The following PITPNM2 variants were observed in gnomAD, a reference collection of about 807,000 sequenced individuals.
PITPNM2 encodes phosphatidylinositol transfer protein membrane associated 2, also known as membrane-associated phosphatidylinositol transfer protein 2.
A neutral mutation model predicts 132.2 loss-of-function variants in PITPNM2; 35 were observed. The observed-to-expected ratio is 0.26, with a 90% CI of 0.20 to 0.35. The LOEUF (loss-of-function observed/expected upper bound fraction) is 0.35, where lower values mean the gene tolerates loss of function less well. PITPNM2 is among the 10% of genes least tolerant of loss of function. The probability of loss-of-function intolerance (pLI) is 1.00; values close to 1 mark genes in which losing one functional copy is unlikely to be tolerated. For missense variants in PITPNM2, 1,332 were observed against 1,912.0 expected (o/e 0.70, Z 5.66); for synonymous variants, 738 against 799.2 (o/e 0.92, Z 1.29).
At chr12:123,057,116 C>T (rs1437426542) in intron 2 of PITPNM2, among the ~76,000 whole-genome samples, 1 of 152,100 alleles carries the variant, frequency 6.6e-6, no homozygotes, top group South Asian at 2.1e-4. Flanking sequence ...CGTGGTGGTT[C>T]ACGCCTGCAA....
In PITPNM2 at chr12:123,004,292, G is replaced by A. The variant is rs2038822913; in HGVS notation, c.1048+102C>T. On this transcript the variant is annotated intron_variant, in intron 8 of 25. Coordinates refer to ENST00000320201, the MANE Select transcript of PITPNM2 (RefSeq NM_020845.3). This position sits in a 1 kb window ranked among gnomAD's most constrained non-coding sequence, Gnocchi z 4.9. ...AGGGACTGGATATAGAATAGTAACA[G>A]GCAACACCCGCATCAGTCCACACCC... 1 of 1,080,744 alleles carries A rather than the reference G, an allele frequency of 9.3e-7. No individual in the cohort carries two copies. Among genetic ancestry groups the A allele is most frequent in the Non-Finnish European group, 1.4e-6 (1 of 719,992 alleles). The allele number at this position is 1,080,744 out of a possible 1,614,324, so 66.9% of individuals were successfully genotyped here.
At chr12:123,093,867 A>G (rs926147329) in intron 2 of PITPNM2, among the ~76,000 whole-genome samples, 4 of 152,270 alleles carry the variant, frequency 2.6e-5, no homozygotes, top group Admixed American at 6.5e-5. Context: ...ACACAGAGCC[A>G]GGAGGCCTGG....
chr12:123,100,170 C>T (rs1273692364), intron 2 of PITPNM2, among the ~76,000 whole-genome samples: 1 of 152,234 alleles, frequency 6.6e-6, no homozygotes, highest in East Asian at 1.9e-4. Context: ...CCACACTATA[C>T]AATTCTCCAT....
chr12:123,017,860 G>A (rs1250249514), intron 3 of PITPNM2, among the ~76,000 whole-genome samples: 1 of 152,186 alleles, frequency 6.6e-6, no homozygotes, highest in Non-Finnish European at 1.5e-5. Context: ...CTGCTGCTGG[G>A]GAACATGGGG....
chr12:122,993,999 C>T lies in PITPNM2; in HGVS notation c.2233+802G>A, dbSNP rs142317456. The stretch of plus-strand genomic sequence containing the variant: ...AGGCGATTCTCCTGCCTCAGGCTCC[C>T]GAGTAGCTGGGATTACAGGCATGTG... On this transcript the variant is annotated intron_variant, in intron 15 of 25. Coordinates refer to ENST00000320201, the MANE Select transcript of PITPNM2 (RefSeq NM_020845.3). This position sits in a 1 kb window ranked among gnomAD's most constrained non-coding sequence, Gnocchi z 5.2. Among the ~76,000 whole-genome samples, 896 of 152,250 alleles carry T rather than the reference C, an allele frequency of 5.9e-3. 11 individuals are homozygous for T. Among genetic ancestry groups the T allele is most frequent in the African/African-American group, 0.021 (861 of 41,538 alleles).
At chr12:122,995,763 GC>G (rs1261559285) in intron 13 of PITPNM2, 103 bp from the exon 14 acceptor site, 2 of 1,417,870 alleles carry the variant, frequency 1.4e-6, no homozygotes, top group Non-Finnish European at 1.9e-6. Context: ...AGGCCAAGCG[GC>G]CACTGTCCAG....
chr12:123,115,965 T>C (rs546018312), intron 1 of PITPNM2, among the ~76,000 whole-genome samples: 12 of 152,336 alleles, frequency 7.9e-5, no homozygotes, highest in Admixed American at 5.9e-4. Context: ...TCCAGAGGCA[T>C]CCAGGAGCAC....
chr12:123,033,227 T>A (rs1032875231), intron 3 of PITPNM2, among the ~76,000 whole-genome samples: 1 of 152,242 alleles, frequency 6.6e-6, no homozygotes, highest in Admixed American at 6.5e-5. Flanking sequence ...AGAGCCAGGC[T>A]GACAGCAGGT....
intron 2 of PITPNM2, among the ~76,000 whole-genome samples, chr12:123,042,072 G>A (rs1176192222): frequency 6.6e-6 from 1 of 152,132 alleles, no homozygotes. Context: ...GATGCATCCA[G>A]ACCAGGGTTC....
chr12:122,990,563 C>T lies in PITPNM2; in HGVS notation c.2551G>A (p.Ala851Thr), dbSNP rs1350214788. Residue 851 changes from alanine (A) to threonine (T), a missense_variant, in exon 17 of 26, where the codon GCA (alanine) becomes ACA (threonine). This residue lies in a region of PITPNM2 where 710 missense variants were observed against 911.5 expected (regional missense o/e 0.78). Transcript: ENST00000320201. The stretch of plus-strand genomic sequence containing the variant: ...TACTCACTCTGGGCGATGCTGGATG[C>T]CGTGTAGCTCTCAGCCATGCCTGAC... ...QVSGMAESYT[A>T]SSIAQKAPDA... 3.1e-6 allele frequency: 5 copies of T among 1,612,860 alleles called. No individual in the cohort carries two copies. The highest frequency in any genetic ancestry group is 4.2e-6 in the Non-Finnish European group (5 of 1,179,936).
chr12:123,098,325 C>T (rs965094157), intron 2 of PITPNM2, among the ~76,000 whole-genome samples: 6 of 152,054 alleles, frequency 3.9e-5, no homozygotes. Flanking sequence ...AGGACCAGGA[C>T]GGGGAGCTAG....
intron 2 of PITPNM2, among the ~76,000 whole-genome samples, chr12:123,053,095 G>A (rs2136673106): frequency 6.6e-6 from 1 of 151,988 alleles, no homozygotes; most frequent in South Asian, 2.1e-4. Context: ...ATGTTGCAAG[G>A]GCTGGTCTCC....
rs576437959 is a variant in PITPNM2, at chr12:123,122,530, T to A, written c.-199-12042A>T. Reference sequence around the variant, plus strand: ...TGGGAAATCCAAGTCGCAAGCCTGTTGATAGGCCTCCTGGTCACATCTGAG... The same window carrying A: ...TGGGAAATCCAAGTCGCAAGCCTGTAGATAGGCCTCCTGGTCACATCTGAG... On this transcript the variant is annotated intron_variant, in intron 1 of 25. Transcript: ENST00000320201. Among the ~76,000 whole-genome samples, 14 of 152,312 alleles carry A rather than the reference T, an allele frequency of 9.2e-5. 1 individual carries two copies. The South Asian group carries it at 2.7e-3, about 29-fold the overall frequency.
At chr12:123,101,359 GCTT>G (rs1402248530) in intron 2 of PITPNM2, among the ~76,000 whole-genome samples, 5 of 152,150 alleles carry the variant, frequency 3.3e-5, no homozygotes, top group African/African-American at 1.2e-4. Flanking sequence ...AACTTGCCCT[GCTT>G]CTTGTTTCTA....
rs60848995 is a variant in PITPNM2, at chr12:123,032,508, A to AC, written c.78+2004_78+2005insG. On this transcript the variant is annotated intron_variant, in intron 3 of 25. Transcript: ENST00000320201. ...AACAAACAAACAAACAAACAAACAAAAACCTGGAGTGACAGGTGTTTTGAG... is the reference window on the plus strand; with the variant it reads ...AACAAACAAACAAACAAACAAACAAACAACCTGGAGTGACAGGTGTTTTGAG... Among the ~76,000 whole-genome samples the AC allele has an allele frequency of 3.3e-5, 5 of 151,878 alleles. No individual in the cohort carries two copies. In the East Asian group the frequency reaches 5.8e-4, roughly 18 times the overall value.
chr12:123,042,078 G>C (rs2040501131), intron 2 of PITPNM2, among the ~76,000 whole-genome samples: 1 of 152,076 alleles, frequency 6.6e-6, no homozygotes, highest in South Asian at 2.1e-4. Context: ...TCCAGACCAG[G>C]GTTCCAGGCA....
intron 2 of PITPNM2, chr12:123,090,226 AGTTAGTACATG>A (rs1248515687): frequency 6.6e-6 from 1 of 152,176 alleles, no homozygotes; most frequent in Non-Finnish European, 1.5e-5. Flanking sequence ...GTGACTGATA[AGTTAGTACATG>A]GTTTTTGGCA....
chr12:123,037,956 C>T (rs968870986), intron 2 of PITPNM2, among the ~76,000 whole-genome samples: 8 of 151,964 alleles, frequency 5.3e-5, no homozygotes, highest in Admixed American at 4.0e-4. Flanking sequence ...TCCACAGCTC[C>T]GCTGGGATAT....
chr12:123,051,611 C>A (rs11061578), intron 2 of PITPNM2, among the ~76,000 whole-genome samples: 6,317 of 152,298 alleles, frequency 0.041, 436 homozygotes, highest in African/African-American at 0.14. Context: ...ATTGCAGCAT[C>A]TGAAGTCTCC....
Sources: gnomAD v4.1 joint callset for allele counts (sites outside exome capture counted in the v4.1 genomes callset) on GRCh38, gnomAD v4.1.1 for gene constraint, gnomAD v4.1.1 regional missense constraint, Gnocchi (gnomAD v3.1) non-coding constraint, MANE v1.5 for transcripts, NCBI Gene and HGNC (gene_info 2026-07-23, HGNC 2026-07-21) for gene names.